UVRAG: variants seen among roughly 807,000 people sequenced by gnomAD.
The protein encoded by UVRAG is UV radiation resistance associated, also known as UV radiation resistance-associated gene protein.
In UVRAG, 19 loss-of-function variants were observed where a neutral mutation model predicts 78.0. That is an observed-to-expected ratio of 0.24 (90% CI 0.17 to 0.36). The LOEUF is 0.36. UVRAG is among the 10% of genes least tolerant of loss of function. The pLI is 1.00. For missense variants in UVRAG, 740 were observed against 853.8 expected (o/e 0.87, Z 1.66); for synonymous variants, 323 against 324.6 (o/e 1.00, Z 0.05).
intron 1 of UVRAG, among the ~76,000 whole-genome samples, chr11:75,840,973 A>G (rs944536958): frequency 5.3e-5 from 8 of 152,148 alleles, no homozygotes; most frequent in Non-Finnish European, 1.0e-4. Context: ...TTCTTAGTTC[A>G]GTAGTTGAGT....
chr11:75,984,257 A>G (rs1457101118), intron 8 of UVRAG, among the ~76,000 whole-genome samples: 1 of 152,200 alleles, frequency 6.6e-6, no homozygotes, highest in East Asian at 1.9e-4. Context: ...CCGGTACTCT[A>G]TAATGTACTC....
chr11:76,112,910 T>C (rs973711982), intron 13 of UVRAG, among the ~76,000 whole-genome samples: 1 of 151,924 alleles, frequency 6.6e-6, no homozygotes, highest in Admixed American at 6.6e-5. Flanking sequence ...GTACTTTTGG[T>C]AGAGACAGTG....
chr11:75,910,391 T>C (rs192974785), intron 5 of UVRAG, among the ~76,000 whole-genome samples: 2 of 152,286 alleles, frequency 1.3e-5, no homozygotes, highest in African/African-American at 4.8e-5. Context: ...AGCACTCTGG[T>C]TCCTTGCTTA....
intron 7 of UVRAG, among the ~76,000 whole-genome samples, chr11:75,962,167 T>TATGAATAGC (rs1435066765): frequency 6.6e-6 from 1 of 152,060 alleles, no homozygotes; most frequent in African/African-American, 2.4e-5. Flanking sequence ...GCCACTTGGG[T>TATGAATAGC]ATGAATAGCT....
intron 1 of UVRAG, among the ~76,000 whole-genome samples, chr11:75,846,503 C>T (rs1164977521): frequency 6.6e-6 from 1 of 152,026 alleles, no homozygotes; most frequent in East Asian, 1.9e-4. Flanking sequence ...ATGTTATCTT[C>T]TAGGACTTTT....
chr11:76,140,560 T>C, intron 14 of UVRAG, 151 bp from the exon 15 acceptor site: 1 of 789,946 alleles, frequency 1.3e-6, no homozygotes, highest in Non-Finnish European at 1.9e-6. Flanking sequence ...GTTTTTTGCA[T>C]TGAGACACTG....
intron 13 of UVRAG, among the ~76,000 whole-genome samples, chr11:76,095,840 C>T (rs1278572448): frequency 7.2e-6 from 1 of 138,010 alleles, no homozygotes; most frequent in Non-Finnish European, 1.5e-5. Flanking sequence ...CACTGCACTC[C>T]AGCCTGGGCA....
intron 12 of UVRAG, among the ~76,000 whole-genome samples, chr11:76,042,810 A>C (rs1259011743): frequency 2.6e-5 from 4 of 152,224 alleles, no homozygotes; most frequent in Non-Finnish European, 5.9e-5. Context: ...TATATTAAAA[A>C]AGACACACAG....
At chr11:75,966,319 G>C (rs1949021995) in intron 7 of UVRAG, among the ~76,000 whole-genome samples, 1 of 152,028 alleles carries the variant, frequency 6.6e-6, no homozygotes. Flanking sequence ...TTTTGCACTT[G>C]TATTTATCAG....
intron 3 of UVRAG, among the ~76,000 whole-genome samples, chr11:75,863,081 C>T (rs993468184): frequency 6.6e-6 from 1 of 152,176 alleles, no homozygotes; most frequent in Non-Finnish European, 1.5e-5. Context: ...CAATCTAGAC[C>T]TTCTGTCTTT....
intron 1 of UVRAG, among the ~76,000 whole-genome samples, chr11:75,839,717 A>AT (rs1945864244): frequency 6.6e-6 from 1 of 151,130 alleles, no homozygotes. Flanking sequence ...TATTGTGGAA[A>AT]TTTCAATGTC....
intron 6 of UVRAG, among the ~76,000 whole-genome samples, chr11:75,945,304 A>G (rs1440342296): frequency 1.3e-5 from 2 of 152,106 alleles, no homozygotes; most frequent in Non-Finnish European, 2.9e-5. Flanking sequence ...GAAGGCCTCT[A>G]TATACAAAGT....
In UVRAG at chr11:75,839,552, T is replaced by C. The variant is rs1386247984; in HGVS notation, c.118-12331T>C. The stretch of plus-strand genomic sequence containing the variant: ...TTAGTTCTCTTTTCCCTAGAGGTTA[T>C]CTTTGACTTGTTTGTCTCTTTTTTC... On this transcript the variant is annotated intron_variant, in intron 1 of 14. Coordinates refer to ENST00000356136, the MANE Select transcript of UVRAG (RefSeq NM_003369.4). Among the ~76,000 whole-genome samples, 5 of 151,996 alleles carry C rather than the reference T, an allele frequency of 3.3e-5. 1 individual carries two copies. The highest frequency in any genetic ancestry group is 4.8e-5 in the African/African-American group (2 of 41,380).
intron 1 of UVRAG, among the ~76,000 whole-genome samples, chr11:75,845,927 A>T (rs1465712391): frequency 6.6e-6 from 1 of 152,224 alleles, no homozygotes; most frequent in South Asian, 2.1e-4. Context: ...AGAAAACTGC[A>T]TAGAATGTTA....
chr11:76,049,153 GTC>G (rs895072275), intron 12 of UVRAG, among the ~76,000 whole-genome samples: 18 of 152,240 alleles, frequency 1.2e-4, no homozygotes, highest in Non-Finnish European at 2.5e-4. Flanking sequence ...TCTACCTGCT[GTC>G]TCTTGAGTGT....
chr11:76,082,269 G>A (rs1032754835), intron 13 of UVRAG, among the ~76,000 whole-genome samples: 2 of 152,052 alleles, frequency 1.3e-5, no homozygotes, highest in Non-Finnish European at 2.9e-5. Context: ...GGCTAGGCAC[G>A]GTGGCTCACG....
chr11:76,033,555 A>G (rs1950476046), intron 12 of UVRAG, among the ~76,000 whole-genome samples: 1 of 152,092 alleles, frequency 6.6e-6, no homozygotes, highest in Admixed American at 6.6e-5. Flanking sequence ...TGATTTAAGA[A>G]AAAAAAACCT....
rs1174937611 is a variant in UVRAG at position 76,142,677 on chromosome 11, T to G, written c.*1264T>G. 2.0e-5 allele frequency: 3 copies of G among 152,256 alleles called. No individual in the cohort carries two copies. In the East Asian group the frequency reaches 5.8e-4, roughly 29 times the overall value. The allele number at this position is 152,256 out of a possible 1,614,324, so 9.4% of individuals were successfully genotyped here. ...CCCGACCTGATTTTTTTTTACCAGC[T>G]TGGAAATTCCTCTTGAACCTACGTC... On this transcript the variant is annotated 3_prime_UTR_variant, in exon 15 of 15. Transcript: ENST00000356136.
intron 3 of UVRAG, among the ~76,000 whole-genome samples, chr11:75,878,664 G>T (rs1946865225): frequency 6.6e-6 from 1 of 152,240 alleles, no homozygotes. Flanking sequence ...CTGGAGACCA[G>T]CCCGGCTAAC....
Sources: allele counts gnomAD v4.1 joint callset (sites outside exome capture counted in the v4.1 genomes callset), GRCh38; gene constraint gnomAD v4.1.1; transcripts MANE v1.5; gene names NCBI Gene and HGNC (gene_info 2026-07-23, HGNC 2026-07-21).